Variants in TRIM9 observed in about 807,000 individuals in gnomAD.
TRIM9 encodes E3 ubiquitin-protein ligase TRIM9.
Under a neutral mutation model 78.3 loss-of-function variants are expected in TRIM9, and 26 were observed. That is an observed-to-expected ratio of 0.33 (90% CI 0.24 to 0.46). The LOEUF (loss-of-function observed/expected upper bound fraction) is 0.46, where lower values mean the gene tolerates loss of function less well. Ranked by LOEUF, TRIM9 falls within the 20% of genes least tolerant of loss-of-function variation. TRIM9 has a pLI of 1.00. For synonymous variants in TRIM9, 398 were observed against 416.5 expected (o/e 0.96, Z 0.54); for missense variants, 787 against 1,036.4 (o/e 0.76, Z 3.30).
chr14:51,037,569 G>A (rs1009786087), intron 1 of TRIM9, among the ~76,000 whole-genome samples: 1 of 151,986 alleles, frequency 6.6e-6, no homozygotes, highest in African/African-American at 2.4e-5. Context: ...CTGGTGGACT[G>A]TTGTTAAGTT....
intron 1 of TRIM9, among the ~76,000 whole-genome samples, chr14:51,030,359 T>C (rs2058621942): frequency 6.6e-6 from 1 of 152,234 alleles, no homozygotes. Flanking sequence ...TTCTCCGGTT[T>C]CTCTGGTGCT....
intron 1 of TRIM9, among the ~76,000 whole-genome samples, chr14:51,047,388 T>TTGAGGA (rs1281472954): frequency 2.0e-5 from 3 of 152,078 alleles, no homozygotes; most frequent in African/African-American, 7.2e-5. Flanking sequence ...CTGGAGCTCC[T>TTGAGGA]TGAGGATAAG....
At position 50,977,046 on chromosome 14, in the gene TRIM9, G is replaced by T; in HGVS notation, c.*245C>A. ...GAGTGGGAACCAAGTGACTTGGTGG[G>T]CTGTCTAGGTCCTTTGTTGGTTAGA... is the stretch of plus-strand genomic sequence containing the variant. On this transcript the variant is annotated 3_prime_UTR_variant, in exon 13 of 13. Coordinates refer to ENST00000684578, the MANE Select transcript of TRIM9 (RefSeq NM_001387360.1). 5.7e-6 allele frequency: 2 copies of T among 352,380 alleles called. No homozygotes were observed. The highest frequency in any genetic ancestry group is 1.0e-5 in the Non-Finnish European group (2 of 196,820). 21.8% of individuals were successfully genotyped at this position (352,380 alleles called of 1,614,324 possible).
At chr14:51,086,228 A>G (rs2063739005) in intron 1 of TRIM9, among the ~76,000 whole-genome samples, 1 of 152,232 alleles carries the variant, frequency 6.6e-6, no homozygotes, top group African/African-American at 2.4e-5. Context: ...TGTGAGTTGT[A>G]GAGTCAGACA....
intron 1 of TRIM9, among the ~76,000 whole-genome samples, chr14:51,068,166 A>C (rs1329517034): frequency 6.6e-6 from 1 of 152,198 alleles, no homozygotes; most frequent in Non-Finnish European, 1.5e-5. Flanking sequence ...TCTGCAGACC[A>C]CATCTTGAGA....
At chr14:51,059,950 C>A (rs933720302) in intron 1 of TRIM9, among the ~76,000 whole-genome samples, 1 of 152,102 alleles carries the variant, frequency 6.6e-6, no homozygotes, top group Non-Finnish European at 1.5e-5. Flanking sequence ...TTGCAAATAA[C>A]GCATTAAATG....
At chr14:51,047,161 C>T (rs1033508623) in intron 1 of TRIM9, among the ~76,000 whole-genome samples, 5 of 152,144 alleles carry the variant, frequency 3.3e-5, no homozygotes, top group African/African-American at 1.2e-4. Flanking sequence ...TCCTATGTGG[C>T]TTTAAGTCTC....
rs1037792783 is a variant in TRIM9 at position 51,072,500 on chromosome 14, G to A, written c.822+21618C>T. ...CGAGGAATTCAATTTTAGTGGATAA[G>A]GTTTTTAAAAAGAGACTTACCAATA... On this transcript the variant is annotated intron_variant, in intron 1 of 12. Transcript: ENST00000684578. 1.8e-3 allele frequency among the ~76,000 whole-genome samples: 281 copies of A among 151,924 alleles called. 1 individual carries two copies. Among genetic ancestry groups the A allele is most frequent in the Non-Finnish European group, 3.3e-3 (227 of 67,988 alleles).
rs1281564964 is a variant in TRIM9 at position 51,023,000 on chromosome 14, C to G, written c.919-43G>C. 4.4e-6 allele frequency: 7 copies of G among 1,608,546 alleles called. No individual in the cohort carries two copies. The Admixed American group carries it at 1.2e-4, about 27-fold the overall frequency. ...TTTCTCAACTGCAAGCTGCTGGGTG[C>G]CTCAGGCTGCCAGAGAAAACAGAGC... On this transcript the variant is annotated intron_variant, in intron 2 of 12. Transcript: ENST00000684578.
rs775825832 is a variant in TRIM9, at chr14:50,979,417, G to A, written c.2295C>T (p.Phe765=). The A allele has an allele frequency of 1.9e-6, 3 of 1,614,170 alleles. 1 individual carries two copies. The Admixed American group carries it at 5.0e-5, about 27-fold the overall frequency. ...IAFDNVEGLF[F]PAVSLNRNVQ... Reference sequence around the variant, plus strand: ...CGTTCCTGTTCAGGCTGACCGCAGGGAAGAAGAGGCCCTCCACGTTATCAA... The same window carrying A: ...CGTTCCTGTTCAGGCTGACCGCAGGAAAGAAGAGGCCCTCCACGTTATCAA... Residue 765 remains phenylalanine (F), a synonymous_variant, in exon 12 of 13, where the codon TTC becomes TTT. Transcript: ENST00000684578.
At chr14:51,064,559 T>C (rs570033840) in intron 1 of TRIM9, among the ~76,000 whole-genome samples, 160 of 151,768 alleles carry the variant, frequency 1.1e-3, no homozygotes, top group African/African-American at 3.5e-3. Flanking sequence ...TCAATGAAAT[T>C]GAGAATAACA....
At chr14:51,047,968 A>AC (rs941420952) in intron 1 of TRIM9, among the ~76,000 whole-genome samples, 346 of 152,278 alleles carry the variant, frequency 2.3e-3, no homozygotes, top group African/African-American at 8.1e-3. Context: ...TCAAAAAAAA[A>AC]AAAAAATCCC....
At chr14:51,043,520 C>T (rs576027306) in intron 1 of TRIM9, among the ~76,000 whole-genome samples, 25 of 152,334 alleles carry the variant, frequency 1.6e-4, no homozygotes, top group Non-Finnish European at 2.5e-4. Context: ...ATCTGTGGCC[C>T]AGGAAGCTAA....
chr14:51,034,298 A>C (rs2058967592), intron 1 of TRIM9, among the ~76,000 whole-genome samples: 1 of 152,224 alleles, frequency 6.6e-6, no homozygotes, highest in African/African-American at 2.4e-5. Flanking sequence ...CTTCACAAAT[A>C]AACCCAATGA....
chr14:51,007,800 C>CAAAAAAAAAAAAAAAAAAAACA (rs3029461), intron 5 of TRIM9, among the ~76,000 whole-genome samples: 1 of 132,838 alleles, frequency 7.5e-6, no homozygotes, highest in Non-Finnish European at 1.6e-5. Context: ...CATATTAAAC[C>CAAAAAAAAAAAAAAAAAAAACA]AAAAAAAAAA....
At chr14:51,075,160 G>C (rs572503246) in intron 1 of TRIM9, among the ~76,000 whole-genome samples, 10 of 152,116 alleles carry the variant, frequency 6.6e-5, no homozygotes, top group Non-Finnish European at 1.2e-4. Flanking sequence ...GAGGAGTTAA[G>C]TGGGTCGCCC....
At chr14:51,008,074 A>G (rs2056068319) in intron 5 of TRIM9, among the ~76,000 whole-genome samples, 1 of 152,218 alleles carries the variant, frequency 6.6e-6, no homozygotes, top group African/African-American at 2.4e-5. Context: ...ATCAATTTCA[A>G]TCTAAAAAAT....
chr14:50,979,012 C>G (rs1379021610), intron 12 of TRIM9: 2 of 1,241,922 alleles, frequency 1.6e-6, no homozygotes, highest in African/African-American at 3.0e-5. Context: ...GTCTTACACC[C>G]TCACCTCTTC....
intron 1 of TRIM9, 80 bp downstream of exon 1, chr14:51,094,038 G>T: frequency 7.0e-7 from 1 of 1,432,984 alleles, no homozygotes; most frequent in Non-Finnish European, 9.6e-7. Context: ...TGCGCTGTGC[G>T]CAAGAGACGG....
Sources: allele counts gnomAD v4.1 joint callset (sites outside exome capture counted in the v4.1 genomes callset), GRCh38; gene constraint gnomAD v4.1.1; transcripts MANE v1.5; gene names NCBI Gene and HGNC (gene_info 2026-07-23, HGNC 2026-07-21).